Variants in CAB39L observed in about 807,000 individuals in gnomAD.
The protein encoded by CAB39L is calcium-binding protein 39-like.
Under a neutral mutation model 39.1 loss-of-function variants are expected in CAB39L, and 23 were observed. The observed-to-expected ratio is 0.59, with a 90% CI of 0.42 to 0.83. The LOEUF is 0.83. Among genes scored for constraint, CAB39L ranks in the 40% least tolerant of loss-of-function variants. The probability of loss-of-function intolerance (pLI) is 0.00; values close to 1 mark genes in which losing one functional copy is unlikely to be tolerated. For synonymous variants in CAB39L, 126 were observed against 137.2 expected (o/e 0.92, Z 0.57); for missense variants, 366 against 391.9 (o/e 0.93, Z 0.56).
intron 3 of CAB39L, among the ~76,000 whole-genome samples, chr13:49,410,368 A>G (rs1252334729): frequency 6.6e-6 from 1 of 152,202 alleles, no homozygotes; most frequent in African/African-American, 2.4e-5. Flanking sequence ...ACTGATGTAC[A>G]TTCTCTTTTT....
intron 3 of CAB39L, among the ~76,000 whole-genome samples, chr13:49,399,355 A>G (rs1347153679): frequency 6.6e-6 from 1 of 152,050 alleles, no homozygotes; most frequent in Non-Finnish European, 1.5e-5. Context: ...CAGAAAACCC[A>G]TAAGCATCCT....
chr13:49,394,440 A>G (rs1020522914), intron 3 of CAB39L, among the ~76,000 whole-genome samples: 1 of 152,106 alleles, frequency 6.6e-6, no homozygotes, highest in Non-Finnish European at 1.5e-5. Flanking sequence ...ACTGGTGCAG[A>G]TATAAATTAG....
rs562143583 is a variant in CAB39L at position 49,412,551 on chromosome 13, C to T, written c.-32+20767G>A. The stretch of plus-strand genomic sequence containing the variant: ...GCAACTCATTTTCAAATTAACTGCA[C>T]ATTATGGCCTTTGGATATGCATTGG... On this transcript the variant is annotated intron_variant, in intron 3 of 10. Transcript: ENST00000409308. Among the ~76,000 whole-genome samples, 35 of 152,228 alleles carry T rather than the reference C, an allele frequency of 2.3e-4. No individual in the cohort carries two copies. In the South Asian group the frequency reaches 7.1e-3, roughly 31 times the overall value.
intron 10 of CAB39L, among the ~76,000 whole-genome samples, chr13:49,327,269 C>T (rs914736562): frequency 1.3e-5 from 2 of 152,024 alleles, no homozygotes; most frequent in Admixed American, 6.6e-5. Context: ...GACCATTATC[C>T]TGAATTTGGC....
intron 7 of CAB39L, among the ~76,000 whole-genome samples, chr13:49,350,217 G>A (rs896125505): frequency 6.6e-5 from 10 of 152,090 alleles, no homozygotes; most frequent in East Asian, 1.9e-4. Context: ...ATGAAACAAC[G>A]ACAATATAAT....
intron 3 of CAB39L, among the ~76,000 whole-genome samples, chr13:49,421,383 G>A (rs868119427): frequency 6.6e-6 from 1 of 152,172 alleles, no homozygotes; most frequent in Admixed American, 6.5e-5. Context: ...CTGGCTGTAA[G>A]AGGAGGCACC....
At chr13:49,346,288 T>C (rs1955173525) in intron 7 of CAB39L, among the ~76,000 whole-genome samples, 1 of 138,730 alleles carries the variant, frequency 7.2e-6, no homozygotes, top group African/African-American at 2.7e-5. Flanking sequence ...GTACACATAA[T>C]ACATAGACAA....
intron 9 of CAB39L, among the ~76,000 whole-genome samples, chr13:49,334,249 T>A (rs990338153): frequency 6.6e-6 from 1 of 152,166 alleles, no homozygotes; most frequent in Admixed American, 6.5e-5. Flanking sequence ...GTCAAAGAAA[T>A]CTTCCAAAAA....
At chr13:49,339,171 C>T (rs1954932659) in intron 9 of CAB39L, among the ~76,000 whole-genome samples, 1 of 136,744 alleles carries the variant, frequency 7.3e-6, no homozygotes, top group Non-Finnish European at 1.5e-5. Flanking sequence ...GCTCTTGTTG[C>T]CCAGGCTGGA....
intron 5 of CAB39L, among the ~76,000 whole-genome samples, chr13:49,373,002 T>C (rs1267241590): frequency 6.6e-6 from 1 of 152,304 alleles, no homozygotes; most frequent in East Asian, 1.9e-4. Flanking sequence ...AAAGTTCCTT[T>C]ACAAAGGTTT....
At chr13:49,348,247 G>A (rs61950796) in intron 7 of CAB39L, among the ~76,000 whole-genome samples, 5 of 152,044 alleles carry the variant, frequency 3.3e-5, no homozygotes, top group Admixed American at 6.6e-5. Context: ...TCCGAAACCC[G>A]CACACCCTCC....
chr13:49,357,518 A>G (rs934112612), intron 6 of CAB39L, among the ~76,000 whole-genome samples: 6 of 152,234 alleles, frequency 3.9e-5, no homozygotes, highest in African/African-American at 1.4e-4. Flanking sequence ...TAGTCCCCAA[A>G]TTGTCACTAA....
rs1469623391 is a variant in CAB39L, at chr13:49,332,073, G to T, written c.708C>A (p.Ile236=). ...RQSLKLLGEL[I]LDRHNFAIMT... is the part of the protein sequence containing the mutation. The stretch of plus-strand genomic sequence containing the variant: ...TGATGGCAAAGTTGTGACGGTCCAG[G>T]ATCAGCTCCCCTAGCAGCTAGAGGA... Residue 236 remains isoleucine, a synonymous_variant, in exon 10 of 11, where the codon ATC becomes ATA. Coordinates refer to ENST00000409308, the MANE Select transcript of CAB39L (RefSeq NM_001079670.3). 1 of 1,613,904 alleles carries T rather than the reference G, an allele frequency of 6.2e-7. No homozygotes were observed. Among genetic ancestry groups the T allele is most frequent in the East Asian group, 2.2e-5 (1 of 44,876 alleles).
chr13:49,405,294 G>GA (rs1254212420), intron 3 of CAB39L, among the ~76,000 whole-genome samples: 1 of 151,836 alleles, frequency 6.6e-6, no homozygotes, highest in Non-Finnish European at 1.5e-5. Flanking sequence ...AGGTCTGAAA[G>GA]AAAAAAACCT....
intron 3 of CAB39L, among the ~76,000 whole-genome samples, chr13:49,414,658 TTA>T (rs1264511167): frequency 6.6e-6 from 1 of 152,048 alleles, no homozygotes; most frequent in Non-Finnish European, 1.5e-5. Context: ...ATCATAAATA[TTA>T]TATATATACA....
In CAB39L at chr13:49,415,587, C is replaced by A. The variant is rs1447009454; in HGVS notation, c.-32+17731G>T. Reference sequence around the variant, plus strand: ...GGCTCTGATATATTTATGATCTATACACTCTACACTATGGTACTGGTGAAG... The same window carrying A: ...GGCTCTGATATATTTATGATCTATAAACTCTACACTATGGTACTGGTGAAG... On this transcript the variant is annotated intron_variant, in intron 3 of 10. Coordinates refer to ENST00000409308, the MANE Select transcript of CAB39L (RefSeq NM_001079670.3). Among the ~76,000 whole-genome samples the A allele has an allele frequency of 3.3e-5, 5 of 151,916 alleles. No homozygotes were observed. In the East Asian group the frequency reaches 9.6e-4, roughly 29 times the overall value.
At chr13:49,363,302 A>G (rs1955681367) in intron 5 of CAB39L, among the ~76,000 whole-genome samples, 1 of 152,218 alleles carries the variant, frequency 6.6e-6, no homozygotes, top group African/African-American at 2.4e-5. Flanking sequence ...AGATATAAAC[A>G]GTACAATAAG....
At chr13:49,429,850 A>G (rs1957293769) in intron 3 of CAB39L, among the ~76,000 whole-genome samples, 1 of 152,192 alleles carries the variant, frequency 6.6e-6, no homozygotes, top group South Asian at 2.1e-4. Context: ...CTATAAATTC[A>G]TATCTGTATT....
At chr13:49,344,131 G>A (rs753384337) in intron 8 of CAB39L, 48 bp downstream of exon 8, 8 of 1,095,702 alleles carry the variant, frequency 7.3e-6, no homozygotes, top group Admixed American at 6.9e-5. Flanking sequence ...GATCTAAAAG[G>A]GAGGGAGAGA....
Sources: allele counts gnomAD v4.1 joint callset (sites outside exome capture counted in the v4.1 genomes callset), GRCh38; gene constraint gnomAD v4.1.1; transcripts MANE v1.5; gene names NCBI Gene and HGNC (gene_info 2026-07-23, HGNC 2026-07-21).